Variants in UGT1A5 observed in about 807,000 individuals in gnomAD.
UGT1A5 encodes the protein UDP-glucuronosyltransferase 1A5.
In UGT1A5, 29 loss-of-function variants were observed where a neutral mutation model predicts 40.3. The observed-to-expected ratio is 0.72, with a 90% confidence interval of 0.54 to 0.98. The LOEUF is 0.98. UGT1A5 is among the 50% of genes least tolerant of loss of function. The probability of loss-of-function intolerance (pLI) is 0.00; values close to 1 mark genes in which losing one functional copy is unlikely to be tolerated. For missense variants in UGT1A5, 678 were observed against 677.9 expected (o/e 1.00, Z 0.00); for synonymous variants, 257 against 262.5 (o/e 0.98, Z 0.20).
chr2:233,759,291 G>C (rs2003569), intron 1 of UGT1A5, among the ~76,000 whole-genome samples: 1 of 152,064 alleles, frequency 6.6e-6, no homozygotes. Flanking sequence ...TGATGAAGCT[G>C]AGCCCTGAGT....
chr2:233,734,986 T>C (rs946842672), intron 1 of UGT1A5, among the ~76,000 whole-genome samples: 1 of 152,248 alleles, frequency 6.6e-6, no homozygotes, highest in Non-Finnish European at 1.5e-5. Context: ...AGAATGTATA[T>C]TCTCTTGACT....
chr2:233,724,330 C>A (rs1214568164), intron 1 of UGT1A5, among the ~76,000 whole-genome samples: 2 of 122,004 alleles, frequency 1.6e-5, no homozygotes, highest in African/African-American at 6.2e-5. Context: ...GCTGGCCAGG[C>A]GGGGGGCTGA....
chr2:233,713,441 A>G lies in UGT1A5; in HGVS notation c.450A>G (p.Leu150=). The G allele has an allele frequency of 6.2e-7, 1 of 1,614,120 alleles. No homozygotes were observed. Among genetic ancestry groups the G allele is most frequent in the Non-Finnish European group, 8.5e-7 (1 of 1,180,018 alleles). Residue 150 remains leucine (L), a synonymous_variant, in exon 1 of 5, where the codon CTA becomes CTG. Transcript: ENST00000373414. ...ATGCTACTTCCTTTGATGTGGTTCT[A>G]ACAGACCCCTTTCACCTCTGCGCGG... The part of the protein sequence containing the change: ...HLHATSFDVV[L]TDPFHLCAAV...
At position 233,772,856 on chromosome 2, in the gene UGT1A5, A is replaced by G; in HGVS notation, c.*297A>G. On this transcript the variant is annotated 3_prime_UTR_variant, in exon 5 of 5. Transcript: ENST00000373414. ...TCTAGATTACTTTTCTTACTCTGAA[A>G]CATGGCCTGTTTGGGAGTGCGGGAT... The G allele has an allele frequency of 2.7e-6, 2 of 727,580 alleles. No individual in the cohort carries two copies. The highest frequency in any genetic ancestry group is 4.2e-5 in the South Asian group (2 of 48,166). The allele number at this position is 727,580 out of a possible 1,614,324, so 45.1% of individuals were successfully genotyped here.
chr2:233,717,800 C>T, intron 1 of UGT1A5: 1 of 456,072 alleles, frequency 2.2e-6, no homozygotes, highest in Non-Finnish European at 4.4e-6. Flanking sequence ...AAGTAGTGCC[C>T]CCACAAATTA....
At chr2:233,724,314 G>A (rs1472414004) in intron 1 of UGT1A5, among the ~76,000 whole-genome samples, 88 of 143,820 alleles carry the variant, frequency 6.1e-4, no homozygotes, top group Middle Eastern at 3.9e-3. Context: ...CCTCCCGGAC[G>A]GGGCGGCTGG....
intron 1 of UGT1A5, among the ~76,000 whole-genome samples, chr2:233,730,180 A>C (rs1264603007): frequency 3.9e-5 from 6 of 152,190 alleles, no homozygotes; most frequent in South Asian, 2.1e-4. Flanking sequence ...TCAGGTTTTA[A>C]ATGGTCACTG....
In UGT1A5 at chr2:233,760,900, AC is replaced by A. The variant is rs1697605792; in HGVS notation, c.868-6132del. 3.1e-6 allele frequency: 5 copies of A among 1,613,652 alleles called. No individual in the cohort carries two copies. The highest frequency in any genetic ancestry group is 3.3e-5 in the Admixed American group (2 of 59,970). On this transcript the variant is annotated intron_variant, in intron 1 of 4. Coordinates refer to ENST00000373414, the MANE Select transcript of UGT1A5 (RefSeq NM_019078.2). The stretch of plus-strand genomic sequence containing the variant: ...TCTCTCCTCTCATTCAGATCACATG[AC>A]CTTCCTGCAGCGGGTGAAGAACATG...
At chr2:233,748,838 CTG>C (rs774126450) in intron 1 of UGT1A5, among the ~76,000 whole-genome samples, 8 of 151,472 alleles carry the variant, frequency 5.3e-5, no homozygotes, top group African/African-American at 2.0e-4. Flanking sequence ...GGAGATAAAA[CTG>C]TGAGCGTATA....
intron 1 of UGT1A5, among the ~76,000 whole-genome samples, chr2:233,764,468 T>G (rs553812675): frequency 1.3e-5 from 2 of 152,324 alleles, no homozygotes; most frequent in Middle Eastern, 6.8e-3. Context: ...GATCTCCTGC[T>G]ATTTAACTTC....
intron 1 of UGT1A5, among the ~76,000 whole-genome samples, chr2:233,745,523 G>A (rs530279744): frequency 2.0e-5 from 3 of 151,672 alleles, no homozygotes; most frequent in African/African-American, 2.4e-5. Context: ...GGTCTAATGG[G>A]GATGTGTTAT....
intron 1 of UGT1A5, chr2:233,718,926 A>G (rs1264796990): frequency 1.2e-6 from 2 of 1,614,126 alleles, no homozygotes; most frequent in Non-Finnish European, 1.7e-6. Context: ...GGTGGTGCCC[A>G]CTGATGGCAG....
intron 1 of UGT1A5, among the ~76,000 whole-genome samples, chr2:233,723,682 C>CCTT: frequency 1.0e-5 from 1 of 95,480 alleles, no homozygotes; most frequent in African/African-American, 5.0e-5. Flanking sequence ...CTGCGGCCTT[C>CCTT]CGCAGTGTTT....
chr2:233,725,626 T>TAGCATATATCTGACATTTAC (rs1183027261), intron 1 of UGT1A5, among the ~76,000 whole-genome samples: 17 of 152,190 alleles, frequency 1.1e-4, no homozygotes, highest in Non-Finnish European at 2.2e-4. Flanking sequence ...CTTCAAAATC[T>TAGCATATATCTGACATTTAC]AGCATATATC....
At chr2:233,771,798 CCCTCCCTT>C (rs951458637) in intron 4 of UGT1A5, among the ~76,000 whole-genome samples, 10 of 147,834 alleles carry the variant, frequency 6.8e-5, no homozygotes, top group African/African-American at 2.5e-4. Context: ...CTCCCTCCCT[CCCTCCCTT>C]CCTCCTTTCC....
chr2:233,748,886 T>C (rs559177980), intron 1 of UGT1A5, among the ~76,000 whole-genome samples: 20 of 151,542 alleles, frequency 1.3e-4, no homozygotes, highest in Non-Finnish European at 2.8e-4. Flanking sequence ...TGAATGGACA[T>C]GTGTCCAAGA....
chr2:233,767,807 T>C, intron 2 of UGT1A5, 42 bp from the exon 3 acceptor site: 1 of 1,614,158 alleles, frequency 6.2e-7, no homozygotes, highest in Non-Finnish European at 8.5e-7. Flanking sequence ...TCTAATCATA[T>C]TATGTTCTTT....
At chr2:233,738,659 C>A (rs562004619) in intron 1 of UGT1A5, among the ~76,000 whole-genome samples, 17 of 152,190 alleles carry the variant, frequency 1.1e-4, no homozygotes, top group Admixed American at 4.6e-4. Flanking sequence ...GAACTACGAA[C>A]TTGAGAGAGA....
At chr2:233,720,555 T>C (rs1276086879) in intron 1 of UGT1A5, among the ~76,000 whole-genome samples, 1 of 152,144 alleles carries the variant, frequency 6.6e-6, no homozygotes, top group Non-Finnish European at 1.5e-5. Flanking sequence ...CAAGTTTCTA[T>C]AGTGGGATCT....
Sources: gnomAD v4.1 joint callset for allele counts (sites outside exome capture counted in the v4.1 genomes callset) on GRCh38, gnomAD v4.1.1 for gene constraint, MANE v1.5 for transcripts, NCBI Gene and HGNC (gene_info 2026-07-23, HGNC 2026-07-21) for gene names.